The following PADI1 variants were observed in gnomAD, a reference collection of about 807,000 sequenced individuals.
The protein encoded by PADI1 is protein-arginine deiminase type-1.
PADI1 carries 65 observed loss-of-function variants against 74.8 expected under a neutral mutation model. The ratio of observed to expected loss-of-function variants is 0.87; its 90% CI spans 0.71 to 1.07. The LOEUF is 1.07. Ranked by LOEUF, PADI1 falls within the 50% of genes least tolerant of loss-of-function variation. PADI1 has a pLI of 0.00. For missense variants in PADI1, 943 were observed against 854.0 expected, an observed-to-expected ratio of 1.10 and a Z score of -1.30; for synonymous variants, 371 against 336.2, an observed-to-expected ratio of 1.10 and a Z score of -1.13.
rs570435314 is a variant in PADI1 at position 17,230,046 on chromosome 1, G to A, written c.930-39G>A. 2.7e-5 allele frequency: 43 copies of A among 1,594,456 alleles called. No homozygotes were observed. The East Asian group carries it at 9.4e-4, about 35-fold the overall frequency. Reference sequence around the variant, plus strand: ...GCCACTCACACCTCAGCCACAGTCAGAGGCCATTAGCATGCTCCCCTCTCC... The same window carrying A: ...GCCACTCACACCTCAGCCACAGTCAAAGGCCATTAGCATGCTCCCCTCTCC... On this transcript the variant is annotated intron_variant, in intron 8 of 15. Transcript: ENST00000375471.
chr1:17,237,202 A>G, intron 11 of PADI1, 112 bp from the exon 12 acceptor site: 1 of 1,263,770 alleles, frequency 7.9e-7, no homozygotes, highest in East Asian at 2.4e-5. Flanking sequence ...CCCCACGTTT[A>G]AAGCGTTCTT....
At chr1:17,230,458 C>A in intron 9 of PADI1, 114 bp from the exon 10 acceptor site, 1 of 770,350 alleles carries the variant, frequency 1.3e-6, no homozygotes, top group South Asian at 1.8e-5. Flanking sequence ...TGCCCCTCAC[C>A]AGGTCTTAGG....
chr1:17,214,213 A>G (rs1220929406), intron 1 of PADI1, among the ~76,000 whole-genome samples: 1 of 152,204 alleles, frequency 6.6e-6, no homozygotes, highest in African/African-American at 2.4e-5. Flanking sequence ...TCCATTTTAC[A>G]GCGGAGGAAA....
chr1:17,239,923 G>C (rs1451041589), intron 14 of PADI1, 140 bp downstream of exon 14: 1 of 670,534 alleles, frequency 1.5e-6, no homozygotes, highest in Non-Finnish European at 2.7e-6. Flanking sequence ...AGGTGGGATA[G>C]AGCCTCTGCC....
chr1:17,237,731 T>A (rs1358957404), intron 12 of PADI1, among the ~76,000 whole-genome samples: 1 of 152,244 alleles, frequency 6.6e-6, no homozygotes, highest in Admixed American at 6.5e-5. Context: ...GATACTCACA[T>A]GTTTTAATTC....
intron 15 of PADI1, among the ~76,000 whole-genome samples, chr1:17,241,043 CA>C (rs1229092018): frequency 6.6e-6 from 1 of 152,160 alleles, no homozygotes; most frequent in East Asian, 1.9e-4. Context: ...TGCCCCGCCA[CA>C]AAGCACTTTT....
rs201522535 is a variant in PADI1 at position 17,226,006 on chromosome 1, C to A, written c.527-27C>A. ...TCCTGTTGGTGGGGTGGAGAAAGGG[C>A]GATCTCAAGAGGGCCACTCTCTCCA... On this transcript the variant is annotated intron_variant, in intron 5 of 15. Transcript: ENST00000375471. 26 of 1,612,330 alleles carry A rather than the reference C, an allele frequency of 1.6e-5. No homozygotes were observed. The Admixed American group carries it at 3.3e-4, about 21-fold the overall frequency.
chr1:17,228,911 C>T (rs1177233202), intron 7 of PADI1, 37 bp from the exon 8 acceptor site: 1 of 1,565,734 alleles, frequency 6.4e-7, no homozygotes, highest in South Asian at 1.1e-5. Context: ...GGCTAGGGGT[C>T]CCTGCAGGGC....
chr1:17,234,009 G>A (rs746650942), intron 11 of PADI1, among the ~76,000 whole-genome samples: 5 of 152,224 alleles, frequency 3.3e-5, no homozygotes, highest in Non-Finnish European at 5.9e-5. Flanking sequence ...ACCCTTGGGG[G>A]CAGACGGTCC....
chr1:17,220,965 G>A (rs2072131210), intron 1 of PADI1, among the ~76,000 whole-genome samples: 1 of 152,212 alleles, frequency 6.6e-6, no homozygotes, highest in South Asian at 2.1e-4. Context: ...GCTGTGGCTG[G>A]GAGCAGCTGG....
chr1:17,217,598 A>C (rs970621398), intron 1 of PADI1, among the ~76,000 whole-genome samples: 1 of 152,268 alleles, frequency 6.6e-6, no homozygotes, highest in African/African-American at 2.4e-5. Flanking sequence ...TATTAAAAAC[A>C]AAGGCAGTAG....
At chr1:17,239,557 TTC>T (rs1371557549) in intron 13 of PADI1, 145 bp from the exon 14 acceptor site, 1 of 643,198 alleles carries the variant, frequency 1.6e-6, no homozygotes, top group East Asian at 2.8e-5. Context: ...CCTTCAGGGG[TTC>T]TCAGTCTCTG....
chr1:17,220,115 A>AG (rs1481279357), intron 1 of PADI1, among the ~76,000 whole-genome samples: 1 of 151,648 alleles, frequency 6.6e-6, no homozygotes. Context: ...GGTGATTGTA[A>AG]GGCCAGGAGT....
Position 17,233,918 on chromosome 1 carries a change from G to A in PADI1, c.1313+948G>A, listed in dbSNP as rs1261424073. 3.3e-5 allele frequency among the ~76,000 whole-genome samples: 5 copies of A among 152,356 alleles called. No individual in the cohort carries two copies. In the South Asian group the frequency reaches 8.3e-4, roughly 25 times the overall value. ...GTGCCCAGACAGGATGCCTGGGGCT[G>A]AGACTGGCCAGGCGAGAGGCATGTG... On this transcript the variant is annotated intron_variant, in intron 11 of 15. Coordinates refer to ENST00000375471, the MANE Select transcript of PADI1 (RefSeq NM_013358.3).
chr1:17,207,569 C>T (rs1171080941), intron 1 of PADI1, among the ~76,000 whole-genome samples: 4 of 152,246 alleles, frequency 2.6e-5, no homozygotes, highest in Non-Finnish European at 5.9e-5. Context: ...AGCATCTGTC[C>T]TTTCCCTCAC....
intron 4 of PADI1, among the ~76,000 whole-genome samples, chr1:17,225,421 AG>A (rs2100460359): frequency 6.6e-6 from 1 of 152,328 alleles, no homozygotes; most frequent in South Asian, 2.1e-4. Flanking sequence ...TGGGATGGGA[AG>A]GGTCTCCCAA....
At chr1:17,240,782 C>T in intron 15 of PADI1, 22 bp downstream of exon 15, 3 of 1,610,872 alleles carry the variant, frequency 1.9e-6, no homozygotes, top group African/African-American at 2.7e-5. Flanking sequence ...TGTGCAGGGT[C>T]CTGCTGGGGG....
chr1:17,240,501 T>C, intron 14 of PADI1, 134 bp from the exon 15 acceptor site: 1 of 941,412 alleles, frequency 1.1e-6, no homozygotes, highest in African/African-American at 1.7e-5. Flanking sequence ...ATGGTTTCTA[T>C]TGCACAAAGC....
intron 1 of PADI1, among the ~76,000 whole-genome samples, chr1:17,218,823 C>A (rs1278405054): frequency 2.6e-5 from 4 of 152,074 alleles, no homozygotes; most frequent in Admixed American, 2.6e-4. Flanking sequence ...CCCAGGAGGG[C>A]TGGTCTTGGG....
Sources: gnomAD v4.1 joint callset for allele counts (sites outside exome capture counted in the v4.1 genomes callset) on GRCh38, gnomAD v4.1.1 for gene constraint, MANE v1.5 for transcripts, NCBI Gene and HGNC (gene_info 2026-07-23, HGNC 2026-07-21) for gene names.